PCDH15: variants seen among roughly 807,000 people sequenced by gnomAD.
The protein encoded by PCDH15 is protocadherin related 15, also known as protocadherin-15.
Under a neutral mutation model 178.5 loss-of-function variants are expected in PCDH15, and 129 were observed. The ratio of observed to expected loss-of-function variants is 0.72; its 90% confidence interval spans 0.63 to 0.84. PCDH15 has a LOEUF of 0.84. Among genes scored for constraint, PCDH15 ranks in the 40% least tolerant of loss-of-function variants. The probability of loss-of-function intolerance (pLI) is 0.00; values close to 1 mark genes in which losing one functional copy is unlikely to be tolerated. For missense variants in PCDH15, 2,230 were observed against 2,099.9 expected, an observed-to-expected ratio of 1.06 and a Z score of -1.21; for synonymous variants, 800 against 732.0, an observed-to-expected ratio of 1.09 and a Z score of -1.50.
intron 1 of PCDH15, among the ~76,000 whole-genome samples, chr10:55,237,979 A>C (rs1841431004): frequency 6.6e-6 from 1 of 152,054 alleles, no homozygotes; most frequent in Non-Finnish European, 1.5e-5. Context: ...TACAAAAGAG[A>C]CCGTACAAAT....
chr10:54,020,526 C>A, intron 19 of PCDH15, 110 bp from the exon 20 acceptor site: 1 of 1,038,492 alleles, frequency 9.6e-7, no homozygotes, highest in Non-Finnish European at 1.5e-6. Flanking sequence ...TTAACGAGGA[C>A]AAAAAGACAC....
intron 1 of PCDH15, among the ~76,000 whole-genome samples, chr10:54,728,874 G>A (rs1351827458): frequency 6.6e-6 from 1 of 151,276 alleles, no homozygotes; most frequent in East Asian, 1.9e-4. Context: ...CTAGGGAGGT[G>A]AAAATATTTA....
At chr10:54,196,393 C>T (rs1423003863) in intron 10 of PCDH15, among the ~76,000 whole-genome samples, 1 of 152,146 alleles carries the variant, frequency 6.6e-6, no homozygotes, top group African/African-American at 2.4e-5. Context: ...CCGCCCGCCT[C>T]AGCCTCCCAA....
intron 1 of PCDH15, among the ~76,000 whole-genome samples, chr10:55,248,748 G>T (rs946256957): frequency 2.0e-5 from 3 of 151,884 alleles, no homozygotes; most frequent in African/African-American, 7.3e-5. Context: ...GTAGAGACAG[G>T]GTTTTGCCAT....
intron 2 of PCDH15, among the ~76,000 whole-genome samples, chr10:54,919,263 A>T (rs539113326): frequency 6.6e-6 from 1 of 152,134 alleles, no homozygotes; most frequent in Non-Finnish European, 1.5e-5. Flanking sequence ...GTGTAGTCAT[A>T]GTTTCCCTAC....
intron 2 of PCDH15, among the ~76,000 whole-genome samples, chr10:55,145,722 A>C (rs1049713372): frequency 2.6e-5 from 4 of 151,552 alleles, no homozygotes; most frequent in Non-Finnish European, 5.9e-5. Context: ...GAAAAGTGAT[A>C]TCTCAGGCAA....
intron 2 of PCDH15, among the ~76,000 whole-genome samples, chr10:55,153,004 C>T (rs1025789247): frequency 9.3e-5 from 14 of 150,706 alleles, no homozygotes; most frequent in Non-Finnish European, 1.5e-4. Flanking sequence ...AAAGCCATAA[C>T]TAATAAATAA....
intron 1 of PCDH15, among the ~76,000 whole-genome samples, chr10:54,729,344 G>A (rs1246511270): frequency 6.6e-6 from 1 of 151,584 alleles, no homozygotes; most frequent in African/African-American, 2.4e-5. Context: ...AATAAATGAA[G>A]CTGCAGCAAC....
At chr10:54,456,150 C>A (rs1204174276) in intron 3 of PCDH15, among the ~76,000 whole-genome samples, 2 of 152,052 alleles carry the variant, frequency 1.3e-5, no homozygotes, top group Admixed American at 6.6e-5. Flanking sequence ...GAGAAGAGGG[C>A]CACCATCATC....
At chr10:54,962,010 C>T (rs1226714993) in intron 2 of PCDH15, among the ~76,000 whole-genome samples, 1 of 152,244 alleles carries the variant, frequency 6.6e-6, no homozygotes, top group African/African-American at 2.4e-5. Context: ...CTGATGAGAG[C>T]TGTTCTGTCA....
chr10:54,111,112 A>G (rs1471296338), intron 15 of PCDH15, among the ~76,000 whole-genome samples: 2 of 152,134 alleles, frequency 1.3e-5, no homozygotes, highest in Non-Finnish European at 2.9e-5. Flanking sequence ...CTATTTATCA[A>G]AATCTCAGAA....
At chr10:54,133,761 G>T (rs954797932) in intron 14 of PCDH15, among the ~76,000 whole-genome samples, 5 of 151,816 alleles carry the variant, frequency 3.3e-5, no homozygotes, top group African/African-American at 1.2e-4. Context: ...TGTTAGTCAA[G>T]GTTTGTAAGG....
rs757270792 is a variant in PCDH15, at chr10:53,961,735, T to C, written c.3009+17A>G. On this transcript the variant is annotated intron_variant, in intron 22 of 37. Transcript: ENST00000644397. ...ATTAAACATCAAATAGACCACATAA[T>C]GAAAAGAGACACTGACCTTAAAAAT... The C allele has an allele frequency of 6.3e-7, 1 of 1,590,412 alleles. No homozygotes were observed. The highest frequency in any genetic ancestry group is 8.6e-7 in the Non-Finnish European group (1 of 1,167,192).
intron 20 of PCDH15, among the ~76,000 whole-genome samples, chr10:54,019,683 A>G (rs1271470614): frequency 6.6e-6 from 1 of 152,118 alleles, no homozygotes; most frequent in Non-Finnish European, 1.5e-5. Context: ...AGAGGTTAAC[A>G]AAGTCCCCAA....
chr10:55,228,980 A>C (rs1841134921), intron 1 of PCDH15, among the ~76,000 whole-genome samples: 1 of 151,998 alleles, frequency 6.6e-6, no homozygotes, highest in Admixed American at 6.6e-5. Flanking sequence ...GGTAAAAATT[A>C]TCAGCAACAA....
intron 1 of PCDH15, among the ~76,000 whole-genome samples, chr10:55,200,698 A>G (rs917738001): frequency 2.0e-5 from 3 of 152,066 alleles, no homozygotes; most frequent in Admixed American, 2.0e-4. Context: ...CGTTGAAGGA[A>G]AGACCTGGTG....
At chr10:54,420,930 T>C (rs1294112454) in intron 3 of PCDH15, among the ~76,000 whole-genome samples, 2 of 152,086 alleles carry the variant, frequency 1.3e-5, no homozygotes, top group African/African-American at 2.4e-5. Context: ...TACAGAACCA[T>C]ATAAATGTGA....
At chr10:55,442,457 ATATATATATATATTATATATATAT>A (rs1281954124) in intron 2 of PCDH15, among the ~76,000 whole-genome samples, 4 of 67,612 alleles carry the variant, frequency 5.9e-5, no homozygotes, top group South Asian at 4.8e-4. Context: ...TAATTTGATT[ATATATATATATATTATATATATAT>A]TATATATATA....
chr10:55,136,129 G>A (rs1464751663), intron 2 of PCDH15, among the ~76,000 whole-genome samples: 1 of 152,076 alleles, frequency 6.6e-6, no homozygotes, highest in Non-Finnish European at 1.5e-5. Flanking sequence ...ATCCTAGTAT[G>A]TTAGAGCACA....
Sources: gnomAD v4.1 joint callset for allele counts (sites outside exome capture counted in the v4.1 genomes callset) on GRCh38, gnomAD v4.1.1 for gene constraint, MANE v1.5 for transcripts, NCBI Gene and HGNC (gene_info 2026-07-23, HGNC 2026-07-21) for gene names.